SYBU: variants seen among roughly 807,000 people sequenced by gnomAD.
SYBU encodes syntabulin, also known as GOLSYN A protein.
SYBU carries 21 observed loss-of-function variants against 35.9 expected under a neutral mutation model. The ratio of observed to expected loss-of-function variants is 0.58; its 90% confidence interval spans 0.41 to 0.84. The LOEUF is 0.84. SYBU is among the 40% of genes least tolerant of loss of function. The probability of loss-of-function intolerance (pLI) is 0.00; values close to 1 mark genes in which losing one functional copy is unlikely to be tolerated. For missense variants in SYBU, 768 were observed against 848.2 expected (o/e 0.91, Z 1.17); for synonymous variants, 319 against 324.3 (o/e 0.98, Z 0.18).
intron 6 of SYBU, among the ~76,000 whole-genome samples, 198 bp downstream of exon 6, chr8:109,577,670 G>C (rs1012149810): frequency 6.6e-6 from 1 of 152,040 alleles, no homozygotes; most frequent in Admixed American, 6.6e-5. Context: ...TCTAACCTAC[G>C]GGCCTCCCTG....
rs577649479 is a variant in SYBU at position 109,613,566 on chromosome 8, T to G, written c.427+5276A>C. 9.2e-4 allele frequency among the ~76,000 whole-genome samples: 140 copies of G among 152,160 alleles called. 1 individual carries two copies. The highest frequency in any genetic ancestry group is 3.2e-3 in the African/African-American group (134 of 41,508). On this transcript the variant is annotated intron_variant, in intron 3 of 6. Coordinates refer to ENST00000276646, the MANE Select transcript of SYBU (RefSeq NM_001099754.2). ...ACCCAATAACACAAAAGTACTTTTT[T>G]TCCCCCAAGATAGGACAAGTTAGGT... is the stretch of plus-strand genomic sequence containing the variant.
At chr8:109,585,944 C>T (rs1563685501) in intron 4 of SYBU, 116 bp downstream of exon 4, 1 of 709,560 alleles carries the variant, frequency 1.4e-6, no homozygotes, top group Non-Finnish European at 2.3e-6. Flanking sequence ...AACAAAAAGC[C>T]TCACTGAATA....
intron 3 of SYBU, among the ~76,000 whole-genome samples, chr8:109,590,830 A>T (rs1247092920): frequency 6.6e-6 from 1 of 152,100 alleles, no homozygotes; most frequent in Non-Finnish European, 1.5e-5. Flanking sequence ...AAGAAAAAGA[A>T]AAACAAATGG....
chr8:109,679,034 G>T (rs1250741809), intron 1 of SYBU, among the ~76,000 whole-genome samples: 3 of 152,152 alleles, frequency 2.0e-5, no homozygotes, highest in Non-Finnish European at 2.9e-5. Flanking sequence ...ACAGGATGCG[G>T]TAAAGAAGCT....
intron 2 of SYBU, among the ~76,000 whole-genome samples, chr8:109,627,044 G>T (rs540166844): frequency 1.9e-4 from 26 of 137,640 alleles, no homozygotes; most frequent in Non-Finnish European, 3.6e-4. Context: ...AACAATTCCA[G>T]AAGACACTTA....
At chr8:109,587,760 C>G (rs1029093123) in intron 3 of SYBU, among the ~76,000 whole-genome samples, 2 of 152,118 alleles carry the variant, frequency 1.3e-5, no homozygotes, top group African/African-American at 4.8e-5. Flanking sequence ...GGAAAGAGAC[C>G]AAGAATGACC....
At chr8:109,604,730 C>T (rs1825888600) in intron 3 of SYBU, among the ~76,000 whole-genome samples, 1 of 152,180 alleles carries the variant, frequency 6.6e-6, no homozygotes, top group Non-Finnish European at 1.5e-5. Context: ...AACCATTGCC[C>T]TCTGTGCACT....
intron 3 of SYBU, among the ~76,000 whole-genome samples, chr8:109,600,777 C>A (rs772674443): frequency 9.9e-5 from 15 of 152,184 alleles, no homozygotes; most frequent in Admixed American, 2.6e-4. Flanking sequence ...ATGTGAAAAA[C>A]AATCTGCACA....
At chr8:109,634,650 A>G (rs145407559) in intron 2 of SYBU, among the ~76,000 whole-genome samples, 2,068 of 152,322 alleles carry the variant, frequency 0.014, 22 homozygotes, top group Non-Finnish European at 0.018. Flanking sequence ...AGAAATTTTA[A>G]AACTAGGCTA....
upstream of SYBU, chr8:109,647,063 G>A (rs1048215581): frequency 2.0e-5 from 3 of 152,270 alleles, no homozygotes; most frequent in African/African-American, 7.2e-5. Context: ...ATCAAGTCAT[G>A]CTTCTCCGTG....
chr8:109,664,950 G>A (rs923529127), intron 1 of SYBU, among the ~76,000 whole-genome samples: 3 of 152,134 alleles, frequency 2.0e-5, no homozygotes, highest in Non-Finnish European at 2.9e-5. Flanking sequence ...GAAATGATTA[G>A]CAAATGATAT....
At chr8:109,640,613 C>G (rs968526186) in intron 2 of SYBU, among the ~76,000 whole-genome samples, 1 of 152,090 alleles carries the variant, frequency 6.6e-6, no homozygotes, top group Admixed American at 6.5e-5. Flanking sequence ...TCTAGGAATA[C>G]TAACTGTGAT....
upstream of SYBU, chr8:109,645,094 T>C (rs1054361834): frequency 3.4e-5 from 11 of 323,980 alleles, no homozygotes; most frequent in Non-Finnish European, 6.3e-5. Flanking sequence ...CCCCACCCTC[T>C]TTTTTTTTTG....
chr8:109,628,440 C>G (rs375231113), intron 2 of SYBU, among the ~76,000 whole-genome samples: 15 of 151,934 alleles, frequency 9.9e-5, no homozygotes, highest in African/African-American at 3.6e-4. Context: ...TCAGGTGATT[C>G]TCCCACCTCA....
At chr8:109,593,038 A>G (rs1236203851) in intron 3 of SYBU, among the ~76,000 whole-genome samples, 1 of 152,224 alleles carries the variant, frequency 6.6e-6, no homozygotes, top group Non-Finnish European at 1.5e-5. Flanking sequence ...CTAACTGTGC[A>G]TGAAGATTTA....
At chr8:109,606,629 C>T (rs1826093405) in intron 3 of SYBU, among the ~76,000 whole-genome samples, 2 of 152,158 alleles carry the variant, frequency 1.3e-5, no homozygotes, top group South Asian at 2.1e-4. Context: ...GAATTTCTCA[C>T]ACACCCATGT....
intron 2 of SYBU, among the ~76,000 whole-genome samples, chr8:109,623,530 C>T (rs1406776123): frequency 1.3e-5 from 2 of 152,068 alleles, no homozygotes; most frequent in African/African-American, 4.8e-5. Context: ...AAATAAAAAA[C>T]ATGCTAAGGT....
intron 3 of SYBU, among the ~76,000 whole-genome samples, chr8:109,615,631 CCT>C (rs1261013843): frequency 6.6e-6 from 1 of 152,100 alleles, no homozygotes; most frequent in Non-Finnish European, 1.5e-5. Context: ...GACCCCTTTA[CCT>C]TGGTTAAATA....
intron 3 of SYBU, among the ~76,000 whole-genome samples, chr8:109,617,989 C>A (rs757537257): frequency 2.0e-5 from 3 of 152,144 alleles, no homozygotes; most frequent in Non-Finnish European, 4.4e-5. Context: ...ATCTGTAGCT[C>A]CTTGCACAAT....
Sources: gnomAD v4.1 joint callset for allele counts (sites outside exome capture counted in the v4.1 genomes callset) on GRCh38, gnomAD v4.1.1 for gene constraint, MANE v1.5 for transcripts, NCBI Gene and HGNC (gene_info 2026-07-23, HGNC 2026-07-21) for gene names.